PRR16: variants seen among roughly 807,000 people sequenced by gnomAD.
The protein encoded by PRR16 is proline rich 16, also known as protein Largen.
In PRR16, 6 loss-of-function variants were observed where a neutral mutation model predicts 18.2. That is an observed-to-expected ratio of 0.33 (90% confidence interval 0.18 to 0.65). The LOEUF is 0.65. PRR16 is among the 30% of genes least tolerant of loss of function. The pLI, the probability that PRR16 is intolerant of heterozygous loss-of-function variation, is 0.74. For synonymous variants in PRR16, 151 were observed against 147.8 expected (o/e 1.02, Z -0.16); for missense variants, 412 against 376.6 (o/e 1.09, Z -0.78).
chr5:120,676,043 T>A lies in PRR16; in HGVS notation c.160-9911T>A, dbSNP rs558964247. On this transcript the variant is annotated intron_variant, in intron 1 of 1. Coordinates refer to ENST00000407149, the MANE Select transcript of PRR16 (RefSeq NM_001300783.2). Reference sequence around the variant, plus strand: ...CTTGGAAAAAAGAATTTAGTAAAAATTTTTAAGTATATATCCTCCATATTT... The same window carrying A: ...CTTGGAAAAAAGAATTTAGTAAAAAATTTTAAGTATATATCCTCCATATTT... Among the ~76,000 whole-genome samples, 16 of 152,302 alleles carry A rather than the reference T, an allele frequency of 1.1e-4. No homozygotes were observed. The South Asian group carries it at 3.3e-3, about 32-fold the overall frequency.
At chr5:120,791,595 CT>C in the PRR16 span, among the ~76,000 whole-genome samples, 38,606 of 137,430 alleles carry the variant, frequency 0.28, 5,280 homozygotes, top group Non-Finnish European at 0.32. Context: ...ATCTATCTAT[CT>C]ATCTATCTAT....
At chr5:120,582,096 A>G (rs1753291287) in intron 1 of PRR16, among the ~76,000 whole-genome samples, 1 of 152,190 alleles carries the variant, frequency 6.6e-6, no homozygotes. Context: ...AAAATGTGGT[A>G]TATATAAAAC....
At chr5:120,713,155 A>C in the PRR16 span, among the ~76,000 whole-genome samples, 1 of 152,254 alleles carries the variant, frequency 6.6e-6, no homozygotes, top group South Asian at 2.1e-4. Flanking sequence ...AACCTTAAAA[A>C]AGAAGAAAAT....
At chr5:120,646,251 A>G (rs888910559) in intron 1 of PRR16, among the ~76,000 whole-genome samples, 1 of 151,784 alleles carries the variant, frequency 6.6e-6, no homozygotes, top group Non-Finnish European at 1.5e-5. Flanking sequence ...TCTTACATCT[A>G]TCATATCTAT....
At chr5:120,724,519 T>C in the PRR16 span, among the ~76,000 whole-genome samples, 2 of 152,118 alleles carry the variant, frequency 1.3e-5, no homozygotes, top group Admixed American at 6.6e-5. Context: ...TATTAGCTAC[T>C]GATTTTACAT....
chr5:120,764,841 G>A, the PRR16 span, among the ~76,000 whole-genome samples: 2 of 151,900 alleles, frequency 1.3e-5, no homozygotes, highest in Admixed American at 6.6e-5. Flanking sequence ...CCACCCACTG[G>A]CATTTATGGT....
chr5:120,790,759 G>A, the PRR16 span: 1 of 152,002 alleles, frequency 6.6e-6, no homozygotes, highest in Admixed American at 6.6e-5. Flanking sequence ...ATGGTCCCAT[G>A]AGTTTTGAGA....
At chr5:120,490,967 G>A (rs1010116926) in intron 1 of PRR16, among the ~76,000 whole-genome samples, 4 of 152,180 alleles carry the variant, frequency 2.6e-5, no homozygotes, top group African/African-American at 4.8e-5. Flanking sequence ...GCACAACAGC[G>A]GATATTGGTG....
intron 1 of PRR16, among the ~76,000 whole-genome samples, chr5:120,518,980 T>C (rs1751085500): frequency 6.6e-6 from 1 of 152,196 alleles, no homozygotes; most frequent in Admixed American, 6.5e-5. Context: ...TATTTTATTT[T>C]ATTAGTTAAG....
the PRR16 span, among the ~76,000 whole-genome samples, chr5:120,717,519 C>T: frequency 6.2e-5 from 1 of 16,016 alleles, no homozygotes; most frequent in East Asian, 3.0e-3. Flanking sequence ...TTCTTACACC[C>T]GTGTATCTTC....
chr5:120,641,967 A>G (rs1310523150), intron 1 of PRR16, among the ~76,000 whole-genome samples: 4 of 151,976 alleles, frequency 2.6e-5, no homozygotes, highest in Non-Finnish European at 4.4e-5. Context: ...TATGACTTAC[A>G]TTGTCCATCC....
intron 1 of PRR16, among the ~76,000 whole-genome samples, chr5:120,468,313 C>A (rs1305915038): frequency 6.6e-6 from 1 of 151,904 alleles, no homozygotes; most frequent in Non-Finnish European, 1.5e-5. Context: ...CTGAAGATTT[C>A]CATGAAAGCT....
intron 1 of PRR16, among the ~76,000 whole-genome samples, chr5:120,508,341 C>G (rs1306433676): frequency 2.0e-5 from 3 of 152,146 alleles, no homozygotes; most frequent in African/African-American, 7.2e-5. Context: ...TTATGCAAAA[C>G]TCTGTGTGCT....
intron 1 of PRR16, among the ~76,000 whole-genome samples, chr5:120,594,540 T>C (rs1231933565): frequency 2.0e-5 from 3 of 152,060 alleles, no homozygotes; most frequent in Admixed American, 1.3e-4. Flanking sequence ...CCCAAAGCAA[T>C]TTACAGATTC....
At chr5:120,658,492 G>T (rs1157650881) in intron 1 of PRR16, 4 of 151,868 alleles carry the variant, frequency 2.6e-5, no homozygotes, top group African/African-American at 9.7e-5. Context: ...CCCTGAAATT[G>T]TTCCAAATAA....
At chr5:120,500,459 G>A (rs1211277146) in intron 1 of PRR16, among the ~76,000 whole-genome samples, 4 of 152,240 alleles carry the variant, frequency 2.6e-5, no homozygotes, top group African/African-American at 7.2e-5. Context: ...ATTACATTTA[G>A]TGCGTCTGTC....
the PRR16 span, among the ~76,000 whole-genome samples, chr5:120,725,066 A>T: frequency 1.3e-5 from 2 of 152,074 alleles, no homozygotes; most frequent in African/African-American, 2.4e-5. Flanking sequence ...ATAAAATAAG[A>T]AAACAAGACA....
chr5:120,729,091 C>A, the PRR16 span, among the ~76,000 whole-genome samples: 5 of 152,174 alleles, frequency 3.3e-5, 1 homozygote, highest in Admixed American at 3.3e-4. Context: ...TGATTAAATC[C>A]TTTGAATTCT....
the PRR16 span, among the ~76,000 whole-genome samples, chr5:120,785,667 G>T: frequency 6.8e-6 from 1 of 146,514 alleles, no homozygotes; most frequent in African/African-American, 2.5e-5. Context: ...CCTCCTTCCA[G>T]GTTCAAGCAA....
Sources: gnomAD v4.1 joint callset for allele counts (sites outside exome capture counted in the v4.1 genomes callset) on GRCh38, gnomAD v4.1.1 for gene constraint, MANE v1.5 for transcripts, NCBI Gene and HGNC (gene_info 2026-07-23, HGNC 2026-07-21) for gene names.